The following TANC1 variants were observed in gnomAD, a reference collection of about 807,000 sequenced individuals.
TANC1 encodes protein TANC1.
In TANC1, 77 loss-of-function variants were observed where a neutral mutation model predicts 149.7. The ratio of observed to expected loss-of-function variants is 0.51; its 90% confidence interval spans 0.43 to 0.62. The LOEUF (loss-of-function observed/expected upper bound fraction) is 0.62. Ranked by LOEUF, TANC1 falls within the 20% of genes least tolerant of loss-of-function variation. The pLI is 0.00. For missense variants in TANC1, 1,985 were observed against 2,321.8 expected, an observed-to-expected ratio of 0.85 and a Z score of 2.98; for synonymous variants, 854 against 925.0, an observed-to-expected ratio of 0.92 and a Z score of 1.39.
intron 5 of TANC1, among the ~76,000 whole-genome samples, chr2:159,146,527 T>A (rs2052108792): frequency 7.1e-6 from 1 of 140,912 alleles, no homozygotes; most frequent in Admixed American, 7.9e-5. Context: ...AATTTGGGTG[T>A]CCCTTTTCCT....
chr2:159,140,686 ATTT>A (rs375936311), intron 5 of TANC1, among the ~76,000 whole-genome samples: 4 of 109,800 alleles, frequency 3.6e-5, no homozygotes, highest in Non-Finnish European at 3.5e-5. Context: ...GAGATTCTCT[ATTT>A]TTTTTTTTTT....
Position 159,232,346 on chromosome 2 carries a change from A to G in TANC1, c.*1334A>G, listed in dbSNP as rs1018439817. 6.6e-6 allele frequency: 1 copy of G among 152,640 alleles called. No individual in the cohort carries two copies. Among genetic ancestry groups the G allele is most frequent in the African/African-American group, 2.4e-5 (1 of 41,448 alleles). The allele number at this position is 152,640 out of a possible 1,614,324, so 9.5% of individuals were successfully genotyped here. ...TGTTGGGATGTGAAATTTATTTTCTAAAATTGAGGAGAAGGAAGTTATATA... is the reference window on the plus strand; with the variant it reads ...TGTTGGGATGTGAAATTTATTTTCTGAAATTGAGGAGAAGGAAGTTATATA... On this transcript the variant is annotated 3_prime_UTR_variant, in exon 27 of 27. Coordinates refer to ENST00000263635, the MANE Select transcript of TANC1 (RefSeq NM_033394.3).
At chr2:159,040,210 C>G (rs936374512) in intron 2 of TANC1, among the ~76,000 whole-genome samples, 3 of 152,050 alleles carry the variant, frequency 2.0e-5, no homozygotes, top group African/African-American at 7.2e-5. Flanking sequence ...CTTGGTAGAT[C>G]TTCCTCCATC....
intron 1 of TANC1, among the ~76,000 whole-genome samples, chr2:158,973,316 G>A (rs570179474): frequency 6.6e-6 from 1 of 152,264 alleles, no homozygotes; most frequent in Admixed American, 6.5e-5. Flanking sequence ...AGGGTTACGT[G>A]CCAGTCATGA....
rs775139918 is a variant in TANC1 at position 159,097,800 on chromosome 2, C to G, written c.225C>G (p.His75Gln). 1 of 1,613,936 alleles carries G rather than the reference C, an allele frequency of 6.2e-7. No individual in the cohort carries two copies. The highest frequency in any genetic ancestry group is 1.1e-5 in the South Asian group (1 of 91,074). ...CACCTTTGCTGCCTCGACAGTCTCACTTGGTGCAATCAAGAGTGAACAAAA... is the reference window on the plus strand; with the variant it reads ...CACCTTTGCTGCCTCGACAGTCTCAGTTGGTGCAATCAAGAGTGAACAAAA... ...PSSPLLPRQSHLVQSRVNKKS... is the reference protein window; with the variant it reads ...PSSPLLPRQSQLVQSRVNKKS... The change falls in exon 4 of 27, where the codon CAC becomes CAG. Residue 75 changes from histidine (H) to glutamine (Q), a missense_variant. Transcript: ENST00000263635.
In TANC1 at chr2:159,097,852, G is replaced by T; in HGVS notation, c.259+18G>T. On this transcript the variant is annotated intron_variant, in intron 4 of 26. Coordinates refer to ENST00000263635, the MANE Select transcript of TANC1 (RefSeq NM_033394.3). ...ATCCCCAGGTAAACAGGCAATGAAGGAGCTGCCTTGGTTATATATGTAGTA... is the reference window on the plus strand; with the variant it reads ...ATCCCCAGGTAAACAGGCAATGAAGTAGCTGCCTTGGTTATATATGTAGTA... 1 of 1,606,078 alleles carries T rather than the reference G, an allele frequency of 6.2e-7. No homozygotes were observed. Among genetic ancestry groups the T allele is most frequent in the Non-Finnish European group, 8.5e-7 (1 of 1,175,288 alleles).
intron 4 of TANC1, among the ~76,000 whole-genome samples, chr2:159,130,886 G>T (rs779229756): frequency 1.3e-5 from 2 of 152,114 alleles, no homozygotes; most frequent in African/African-American, 2.4e-5. Flanking sequence ...CTGTCTTTCA[G>T]GGTAGGTCTT....
At chr2:159,215,375 C>A (rs1327999636) in intron 19 of TANC1, among the ~76,000 whole-genome samples, 4 of 152,186 alleles carry the variant, frequency 2.6e-5, no homozygotes, top group African/African-American at 9.7e-5. Context: ...TAGTTTCTTG[C>A]AGGGAGATAA....
Position 159,101,930 on chromosome 2 carries a change from C to T in TANC1, c.259+4096C>T, listed in dbSNP as rs145426775. 4.4e-4 allele frequency among the ~76,000 whole-genome samples: 67 copies of T among 152,228 alleles called. 1 individual carries two copies. The East Asian group carries it at 9.9e-3, about 22-fold the overall frequency. On this transcript the variant is annotated intron_variant, in intron 4 of 26. Transcript: ENST00000263635. ...CTTGTATGGAGACACTGGAGAGTGC[C>T]GGCCACTTCCGCTTCTGCCGATTCC...
chr2:159,225,966 G>T (rs959283121), intron 24 of TANC1, 187 bp downstream of exon 24: 4 of 627,914 alleles, frequency 6.4e-6, no homozygotes, highest in Non-Finnish European at 1.1e-5. Context: ...CAGATCACTT[G>T]AGGCCAGGAA....
Position 159,075,905 on chromosome 2 carries a change from T to C in TANC1, c.61+9934T>C, listed in dbSNP as rs764018574. 1.1e-4 allele frequency among the ~76,000 whole-genome samples: 17 copies of C among 152,218 alleles called. 1 individual carries two copies. The highest frequency in any genetic ancestry group is 6.2e-4 in the South Asian group (3 of 4,830). On this transcript the variant is annotated intron_variant, in intron 3 of 26. Coordinates refer to ENST00000263635, the MANE Select transcript of TANC1 (RefSeq NM_033394.3). ...CTTGCCAAATTGTTTTCTAGAAAGC[T>C]CATGTTGGTTGCCACCTGTGTAAGC...
chr2:159,207,771 G>A (rs1040403329), intron 19 of TANC1, among the ~76,000 whole-genome samples: 1 of 141,952 alleles, frequency 7.0e-6, no homozygotes, highest in Admixed American at 7.2e-5. Flanking sequence ...GGGACCTTAA[G>A]TAAGTGGTTT....
rs550345870 is a variant in TANC1 at position 158,988,541 on chromosome 2, C to T, written c.-125-12539C>T. ...TTTCCCCTCCACCTTTGCTAAATGCCGTTACTACTTCCTGTTGCAATGACA... is the reference window on the plus strand; with the variant it reads ...TTTCCCCTCCACCTTTGCTAAATGCTGTTACTACTTCCTGTTGCAATGACA... On this transcript the variant is annotated intron_variant, in intron 1 of 26. Transcript: ENST00000263635. Among the ~76,000 whole-genome samples the T allele has an allele frequency of 7.2e-5, 11 of 152,114 alleles. No individual in the cohort carries two copies. In the South Asian group the frequency reaches 1.9e-3, roughly 26 times the overall value.
At chr2:159,145,856 T>C (rs1446479578) in intron 5 of TANC1, among the ~76,000 whole-genome samples, 1 of 152,228 alleles carries the variant, frequency 6.6e-6, no homozygotes, top group East Asian at 1.9e-4. Context: ...AAAGCCATCA[T>C]ACAGCCGTCA....
chr2:159,050,429 C>G (rs1243259650), intron 2 of TANC1, among the ~76,000 whole-genome samples: 1 of 152,192 alleles, frequency 6.6e-6, no homozygotes, highest in African/African-American at 2.4e-5. Flanking sequence ...AACAGCGTTG[C>G]AGTTTTGCCA....
At chr2:159,128,975 A>G (rs746939) in intron 4 of TANC1, among the ~76,000 whole-genome samples, 33,912 of 152,016 alleles carry the variant, frequency 0.22, 4,863 homozygotes, top group East Asian at 0.53. Flanking sequence ...TATTTTCCTC[A>G]TCTTGTGAAA....
intron 4 of TANC1, among the ~76,000 whole-genome samples, chr2:159,107,482 C>A (rs1023952987): frequency 6.6e-6 from 1 of 152,228 alleles, no homozygotes; most frequent in African/African-American, 2.4e-5. Context: ...TTGACTCTTA[C>A]ATTTAGTCCT....
intron 3 of TANC1, among the ~76,000 whole-genome samples, chr2:159,083,330 G>A (rs144368290): frequency 2.3e-4 from 35 of 151,496 alleles, no homozygotes; most frequent in Admixed American, 2.0e-3. Context: ...GTTTGTTCCT[G>A]TGTCTCCACA....
intron 3 of TANC1, among the ~76,000 whole-genome samples, chr2:159,078,875 G>A (rs1406375376): frequency 6.6e-6 from 1 of 152,120 alleles, no homozygotes; most frequent in East Asian, 1.9e-4. Context: ...AATGAAGTTA[G>A]TATTGCTCTG....
Sources: gnomAD v4.1 joint callset for allele counts (sites outside exome capture counted in the v4.1 genomes callset) on GRCh38, gnomAD v4.1.1 for gene constraint, MANE v1.5 for transcripts, NCBI Gene and HGNC (gene_info 2026-07-23, HGNC 2026-07-21) for gene names.